The following CAMSAP1 variants were observed in gnomAD, a reference collection of about 807,000 sequenced individuals.
The protein encoded by CAMSAP1 is calmodulin-regulated spectrin-associated protein 1.
Under a neutral mutation model 143.5 loss-of-function variants are expected in CAMSAP1, and 58 were observed. That is an observed-to-expected ratio of 0.40 (90% CI 0.33 to 0.50). CAMSAP1 has a LOEUF of 0.50. Ranked by LOEUF, CAMSAP1 falls within the 20% of genes least tolerant of loss-of-function variation. CAMSAP1 has a pLI of 0.45. For synonymous variants in CAMSAP1, 945 were observed against 859.3 expected (o/e 1.10, Z -1.74); for missense variants, 1,969 against 2,115.7 (o/e 0.93, Z 1.36).
Position 135,822,625 on chromosome 9 carries a change from C to G in CAMSAP1, c.2036G>C (p.Cys679Ser), listed in dbSNP as rs369661554. The G allele has an allele frequency of 1.6e-5, 25 of 1,612,244 alleles. No individual in the cohort carries two copies. The highest frequency in any genetic ancestry group is 1.6e-4 in the Middle Eastern group (1 of 6,072). ...PLSVETAGEV[C>S]GGPLALGGFD... is the part of the protein sequence containing the mutation. ...TCCGCCAAGGGCCAGAGGCCCACCACAGACCTCTCCTGCGGTTTCCACTGA... is the reference window on the plus strand; with the variant it reads ...TCCGCCAAGGGCCAGAGGCCCACCAGAGACCTCTCCTGCGGTTTCCACTGA... Residue 679 changes from cysteine to serine, a missense_variant, in exon 11 of 17, where the codon TGT becomes TCT. Physicochemically the swap from Cys to Ser is moderately radical, Grantham distance 112 (BLOSUM62 -1). Transcript: ENST00000389532. This position sits in a 1 kb window ranked among gnomAD's most constrained non-coding sequence, Gnocchi z 6.1.
At chr9:135,837,314 C>A (rs1002069080) in intron 7 of CAMSAP1, among the ~76,000 whole-genome samples, 37 of 151,562 alleles carry the variant, frequency 2.4e-4, no homozygotes, top group Non-Finnish European at 5.0e-4. Flanking sequence ...CACATCATCA[C>A]GCACTTTCTA....
rs761279228 is a variant in CAMSAP1, at chr9:135,821,823, G to A, written c.2838C>T (p.Asp946=). Residue 946 remains aspartate, a synonymous_variant, in exon 11 of 17, where the codon GAC becomes GAT. Transcript: ENST00000389532. The surrounding 1 kb of genome is among the most constrained non-coding windows in gnomAD (Gnocchi z 4.6). The stretch of plus-strand genomic sequence containing the variant: ...CGGTTTTGGAAACAGCGTCCCCACA[G>A]TCCTCCCCGTTGTGCTGAGAGTACT... ...AKEYSQHNGE[D]CGDAVSKTED... 13 of 1,613,926 alleles carry A rather than the reference G, an allele frequency of 8.1e-6. No individual in the cohort carries two copies. The highest frequency in any genetic ancestry group is 9.3e-6 in the Non-Finnish European group (11 of 1,179,918).
intron 5 of CAMSAP1, among the ~76,000 whole-genome samples, chr9:135,852,148 T>C (rs1255829997): frequency 2.0e-5 from 3 of 152,242 alleles, no homozygotes; most frequent in Admixed American, 2.0e-4. Flanking sequence ...GGTCCTCTCC[T>C]GTGGACCCTG....
intron 10 of CAMSAP1, 39 bp downstream of exon 10, chr9:135,823,911 A>AACATTCC (rs1170416193): frequency 1.3e-6 from 2 of 1,510,848 alleles, no homozygotes; most frequent in African/African-American, 1.4e-5. Flanking sequence ...TAGTATAAAA[A>AACATTCC]ACATTCCAAA....
chr9:135,822,034 G>C lies in CAMSAP1; in HGVS notation c.2627C>G (p.Ser876Cys). ...CTGCATGTGCAGCTGTACCAGCTCA[G>C]ATGCCAGGAGGCTGGCGGGATCCTT... ...HGKDPASLLA[S>C]ELVQLHMQLE... Residue 876 changes from serine (S) to cysteine (C), a missense_variant, in exon 11 of 17, where the codon TCT becomes TGT. Physicochemically the swap from Ser to Cys is moderately radical, Grantham distance 112. Transcript: ENST00000389532. This position sits in a 1 kb window ranked among gnomAD's most constrained non-coding sequence, Gnocchi z 6.1. 3 of 1,612,754 alleles carry C rather than the reference G, an allele frequency of 1.9e-6. No individual in the cohort carries two copies. In the East Asian group the frequency reaches 6.7e-5, roughly 36 times the overall value.
At chr9:135,844,309 G>A (rs960692758) in intron 7 of CAMSAP1, among the ~76,000 whole-genome samples, 14 of 152,206 alleles carry the variant, frequency 9.2e-5, no homozygotes, top group African/African-American at 2.6e-4. Context: ...ACTCAAAACC[G>A]CACAACTACA....
At position 135,809,321 on chromosome 9, in the gene CAMSAP1, C is replaced by T. The variant is rs147652617; in HGVS notation, c.*1988G>A. ...CTCGCAACGAACAGTGAAAACTACA[C>T]GCTTAAGGACAAGTTTCAGGATGTT... On this transcript the variant is annotated 3_prime_UTR_variant, in exon 17 of 17. Transcript: ENST00000389532. 23 of 152,346 alleles carry T rather than the reference C, an allele frequency of 1.5e-4. No homozygotes were observed. The East Asian group carries it at 3.3e-3, about 22-fold the overall frequency. The allele number at this position is 152,346 out of a possible 1,614,324, so 9.4% of individuals were successfully genotyped here. A position where few individuals can be genotyped will look rare whatever the true frequency, so the allele number is the denominator to read the frequency against.
chr9:135,826,189 CACCA>C lies in CAMSAP1; in HGVS notation c.1223+1214_1223+1217del. ...GGTCACAGAGCAGCGTGTACACGGG[CACCA>C]GCACACACACACACACACACACGGC... On this transcript the variant is annotated intron_variant, in intron 8 of 16. Coordinates refer to ENST00000389532, the MANE Select transcript of CAMSAP1 (RefSeq NM_015447.4). The surrounding 1 kb of genome is among the most constrained non-coding windows in gnomAD (Gnocchi z 4.4). 1 of 131,752 alleles carries C rather than the reference CACCA, an allele frequency of 7.6e-6. No homozygotes were observed. The highest frequency in any genetic ancestry group is 3.1e-5 in the African/African-American group (1 of 32,698). The allele number at this position is 131,752 out of a possible 1,614,324, so 8.2% of individuals were successfully genotyped here. A position where few individuals can be genotyped will look rare whatever the true frequency, so the allele number is the denominator to read the frequency against.
At chr9:135,839,230 A>T (rs536857673) in intron 7 of CAMSAP1, among the ~76,000 whole-genome samples, 1 of 152,198 alleles carries the variant, frequency 6.6e-6, no homozygotes, top group Non-Finnish European at 1.5e-5. Context: ...AGAGTGTATG[A>T]GTCCCTATTT....
chr9:135,843,687 C>G (rs112395698), intron 7 of CAMSAP1, among the ~76,000 whole-genome samples: 1 of 151,578 alleles, frequency 6.6e-6, no homozygotes, highest in South Asian at 2.1e-4. Flanking sequence ...CTGGCTAACA[C>G]GCTGAAACCC....
At position 135,821,389 on chromosome 9, in the gene CAMSAP1, G is replaced by A; in HGVS notation, c.3272C>T (p.Pro1091Leu). 6.2e-7 allele frequency: 1 copy of A among 1,613,868 alleles called. No individual in the cohort carries two copies. Among genetic ancestry groups the A allele is most frequent in the Non-Finnish European group, 8.5e-7 (1 of 1,179,808 alleles). The stretch of plus-strand genomic sequence containing the variant: ...GGAATTCCGGCCTTGACCCAGCCGG[G>A]GGGCTTTGCGGTGGCCAGCCACGCC... ...PTGVAGHRKA[P>L]RLGQGRNSRS... is the part of the protein sequence containing the mutation. The change falls in exon 11 of 17, where the codon CCC (proline) becomes CTC (leucine). Residue 1091 changes from proline to leucine, a missense_variant. Transcript: ENST00000389532. This position sits in a 1 kb window ranked among gnomAD's most constrained non-coding sequence, Gnocchi z 4.6.
rs1398097374 is a variant in CAMSAP1 at position 135,820,494 on chromosome 9, T to C, written c.3822+345A>G. ...AGAGCATTCTAACGACGAACGCTTT[T>C]TACGCTTTGGGGCAGGACAGGGAGA... On this transcript the variant is annotated intron_variant, in intron 11 of 16. Transcript: ENST00000389532. This position sits in a 1 kb window ranked among gnomAD's most constrained non-coding sequence, Gnocchi z 4.4. Among the ~76,000 whole-genome samples, 1 of 152,124 alleles carries C rather than the reference T, an allele frequency of 6.6e-6. No homozygotes were observed. The highest frequency in any genetic ancestry group is 1.5e-5 in the Non-Finnish European group (1 of 68,022).
At chr9:135,881,218 A>G (rs1485546091) in intron 3 of CAMSAP1, among the ~76,000 whole-genome samples, 2 of 152,024 alleles carry the variant, frequency 1.3e-5, no homozygotes, top group African/African-American at 4.8e-5. Flanking sequence ...TTAGCCAAGC[A>G]TAGTAGCACG....
chr9:135,852,307 G>C (rs944204211), intron 5 of CAMSAP1, among the ~76,000 whole-genome samples: 1 of 152,082 alleles, frequency 6.6e-6, no homozygotes, highest in South Asian at 2.1e-4. Context: ...ATTTCATTTT[G>C]TTTATGATGT....
chr9:135,876,934 A>G (rs1041276786), intron 3 of CAMSAP1, among the ~76,000 whole-genome samples: 2 of 152,174 alleles, frequency 1.3e-5, no homozygotes, highest in African/African-American at 4.8e-5. Flanking sequence ...GCTTGAACCC[A>G]GGAGGCTAAG....
At chr9:135,815,818 G>T in intron 15 of CAMSAP1, 72 bp downstream of exon 15, 1 of 1,206,650 alleles carries the variant, frequency 8.3e-7, no homozygotes, top group Non-Finnish European at 1.2e-6. Flanking sequence ...ATAGAGAACA[G>T]ATATTGAAAG....
In CAMSAP1 at chr9:135,822,582, C is replaced by G; in HGVS notation, c.2079G>C (p.Gln693His). Reference protein sequence around the residue: ...LALGGFDPFPQGPSTDGFFLH... With the variant: ...LALGGFDPFPHGPSTDGFFLH... ...GGAAGAAGCCATCCGTGGATGGTCCCTGGGGGAACGGATCGAATCCGCCAA... is the reference window on the plus strand; with the variant it reads ...GGAAGAAGCCATCCGTGGATGGTCCGTGGGGGAACGGATCGAATCCGCCAA... The change falls in exon 11 of 17, where the codon CAG (glutamine) becomes CAC (histidine). Residue 693 changes from glutamine (Q) to histidine (H), a missense_variant. Gln to His is a conservative substitution (Grantham distance 24). Transcript: ENST00000389532. The surrounding 1 kb of genome is among the most constrained non-coding windows in gnomAD (Gnocchi z 6.1). 1 of 1,613,640 alleles carries G rather than the reference C, an allele frequency of 6.2e-7. No homozygotes were observed. Among genetic ancestry groups the G allele is most frequent in the Non-Finnish European group, 8.5e-7 (1 of 1,179,834 alleles).
chr9:135,811,317 G>A lies in CAMSAP1; in HGVS notation c.4801C>T (p.Arg1601Cys), dbSNP rs920488747. ...CGCCAGCTGCACCGGGGTCATTTAC[G>A]AGTCTGGGCCTTCTTTGGCACTGCA... ...RPAVPKKAQTRK is the reference protein window; with the variant it reads ...RPAVPKKAQTCK The change falls in exon 17 of 17, where the codon CGT (arginine) becomes TGT (cysteine). Residue 1601 changes from arginine (R) to cysteine (C), a missense_variant. Coordinates refer to ENST00000389532, the MANE Select transcript of CAMSAP1 (RefSeq NM_015447.4). This position sits in a 1 kb window ranked among gnomAD's most constrained non-coding sequence, Gnocchi z 4.9. 16 of 1,611,656 alleles carry A rather than the reference G, an allele frequency of 9.9e-6. No homozygotes were observed. Among genetic ancestry groups the A allele is most frequent in the African/African-American group, 2.7e-5 (2 of 74,884 alleles).
intron 5 of CAMSAP1, among the ~76,000 whole-genome samples, chr9:135,861,854 C>T (rs1006505922): frequency 6.6e-6 from 1 of 152,116 alleles, no homozygotes; most frequent in African/African-American, 2.4e-5. Context: ...GTCCAGACAC[C>T]CACTGTCGTG....
Sources: gnomAD v4.1 joint callset for allele counts (sites outside exome capture counted in the v4.1 genomes callset) on GRCh38, gnomAD v4.1.1 for gene constraint, Gnocchi (gnomAD v3.1) non-coding constraint, MANE v1.5 for transcripts, NCBI Gene and HGNC (gene_info 2026-07-23, HGNC 2026-07-21) for gene names.